The following ASTN1 variants were observed in gnomAD, a reference collection of about 807,000 sequenced individuals.
The protein encoded by ASTN1 is astrotactin-1.
In ASTN1, 41 loss-of-function variants were observed where a neutral mutation model predicts 140.7. The observed-to-expected ratio is 0.29, with a 90% confidence interval of 0.23 to 0.38. The LOEUF (loss-of-function observed/expected upper bound fraction) is 0.38. Ranked by LOEUF, ASTN1 falls within the 10% of genes least tolerant of loss-of-function variation. The probability of loss-of-function intolerance (pLI) is 1.00; values close to 1 mark genes in which losing one functional copy is unlikely to be tolerated. For synonymous variants in ASTN1, 640 were observed against 652.2 expected (o/e 0.98, Z 0.29); for missense variants, 1,479 against 1,678.8 (o/e 0.88, Z 2.08).
intron 1 of ASTN1, among the ~76,000 whole-genome samples, chr1:177,115,587 G>T (rs1268921019): frequency 1.3e-5 from 2 of 151,766 alleles, no homozygotes; most frequent in African/African-American, 4.8e-5. Flanking sequence ...AACCCAGGAG[G>T]TGGAGGTTGC....
intron 9 of ASTN1, among the ~76,000 whole-genome samples, chr1:176,959,360 T>G (rs1052940313): frequency 6.6e-6 from 1 of 152,034 alleles, no homozygotes; most frequent in African/African-American, 2.4e-5. Flanking sequence ...GGAAGGATGC[T>G]TACAATTAAA....
intron 1 of ASTN1, among the ~76,000 whole-genome samples, chr1:177,114,026 C>T (rs1156869909): frequency 6.6e-6 from 1 of 152,184 alleles, no homozygotes; most frequent in Non-Finnish European, 1.5e-5. Context: ...AGTCAAGACA[C>T]TGCTACCTGT....
intron 8 of ASTN1, among the ~76,000 whole-genome samples, chr1:176,993,818 T>C (rs1674303313): frequency 6.6e-6 from 1 of 152,208 alleles, no homozygotes; most frequent in South Asian, 2.1e-4. Flanking sequence ...ATTCATTCAC[T>C]CATTCATTCA....
At chr1:176,989,973 G>A (rs1674083506) in intron 8 of ASTN1, among the ~76,000 whole-genome samples, 1 of 151,838 alleles carries the variant, frequency 6.6e-6, no homozygotes, top group South Asian at 2.1e-4. Context: ...GCTCCAAAAG[G>A]GAGTTCTGAC....
intron 1 of ASTN1, among the ~76,000 whole-genome samples, chr1:177,159,996 G>C (rs967789023): frequency 6.6e-6 from 1 of 152,162 alleles, no homozygotes; most frequent in African/African-American, 2.4e-5. Flanking sequence ...CACTCAATGG[G>C]CAAGGATATT....
intron 6 of ASTN1, among the ~76,000 whole-genome samples, chr1:177,023,846 C>T (rs1268840782): frequency 1.3e-5 from 2 of 152,164 alleles, no homozygotes; most frequent in Non-Finnish European, 2.9e-5. Context: ...TCCTAAGGAA[C>T]ACAGGGACAG....
chr1:177,153,204 G>C (rs1448193668), intron 1 of ASTN1, among the ~76,000 whole-genome samples: 1 of 152,090 alleles, frequency 6.6e-6, no homozygotes, highest in Non-Finnish European at 1.5e-5. Context: ...CCCTCTAAGA[G>C]CTGGTTGTTA....
intron 8 of ASTN1, among the ~76,000 whole-genome samples, chr1:177,002,759 T>C (rs191897592): frequency 3.3e-5 from 5 of 152,296 alleles, no homozygotes; most frequent in African/African-American, 9.6e-5. Context: ...CTTAATATTA[T>C]TTTTATTAGC....
chr1:177,023,238 T>G, intron 7 of ASTN1, 166 bp downstream of exon 7: 1 of 843,236 alleles, frequency 1.2e-6, no homozygotes, highest in Non-Finnish European at 1.8e-6. Flanking sequence ...ACCACAGTTT[T>G]AGCCAATAAG....
Position 177,164,608 on chromosome 1 carries a change from G to A in ASTN1, c.69C>T (p.Ala23=), listed in dbSNP as rs1416199376. ...CCTTGGATGGATCCACGTCGCCGGC[G>A]GCCGTGGCCAGCACCGCCGCCGGCC... ...CWGPAAVLAT[A]AGDVDPSKEL... The change falls in exon 1 of 23, where the codon GCC becomes GCT. Residue 23 remains alanine (A), a synonymous_variant. Coordinates refer to ENST00000361833, the MANE Select transcript of ASTN1 (RefSeq NM_004319.3). 42 of 1,611,454 alleles carry A rather than the reference G, an allele frequency of 2.6e-5. No individual in the cohort carries two copies. Among genetic ancestry groups the A allele is most frequent in the Non-Finnish European group, 3.6e-5 (42 of 1,179,040 alleles).
At chr1:177,091,304 T>C (rs971942621) in intron 1 of ASTN1, among the ~76,000 whole-genome samples, 3 of 152,202 alleles carry the variant, frequency 2.0e-5, no homozygotes, top group Non-Finnish European at 4.4e-5. Flanking sequence ...TTGACTCACA[T>C]CAGGCTTCCT....
chr1:176,997,566 G>A (rs1674513318), intron 8 of ASTN1, among the ~76,000 whole-genome samples: 1 of 151,934 alleles, frequency 6.6e-6, no homozygotes, highest in African/African-American at 2.4e-5. Flanking sequence ...TCACAGAGGA[G>A]GTGATGTGAT....
intron 22 of ASTN1, among the ~76,000 whole-genome samples, chr1:176,866,514 G>T (rs191340861): frequency 6.6e-6 from 1 of 152,296 alleles, no homozygotes; most frequent in African/African-American, 2.4e-5. Flanking sequence ...GGGAGGTGAA[G>T]AAAGAGGGAG....
At chr1:176,934,467 G>A (rs1671346642) in intron 15 of ASTN1, 127 bp from the exon 16 acceptor site, 2 of 882,840 alleles carry the variant, frequency 2.3e-6, no homozygotes, top group East Asian at 2.7e-5. Context: ...GAGCTAGCTA[G>A]AAGTGTCTGG....
At chr1:177,116,976 A>T (rs1388746920) in intron 1 of ASTN1, among the ~76,000 whole-genome samples, 2 of 151,756 alleles carry the variant, frequency 1.3e-5, no homozygotes, top group Admixed American at 1.3e-4. Flanking sequence ...AATGACTCCC[A>T]CCTTCATAAC....
At chr1:177,128,484 C>A (rs1453978215) in intron 1 of ASTN1, among the ~76,000 whole-genome samples, 1 of 152,180 alleles carries the variant, frequency 6.6e-6, no homozygotes, top group Non-Finnish European at 1.5e-5. Context: ...AACAAGCTCA[C>A]AATTTTAAAA....
At chr1:177,005,970 G>C in intron 8 of ASTN1, among the ~76,000 whole-genome samples, 1 of 152,172 alleles carries the variant, frequency 6.6e-6, no homozygotes, top group East Asian at 1.9e-4. Flanking sequence ...TGACATTTAA[G>C]TTGTAATGCA....
Position 177,054,819 on chromosome 1 carries a change from ATAGAC to A in ASTN1, c.471+6254_471+6258del, listed in dbSNP as rs573714467. Reference sequence around the variant, plus strand: ...TTTGCAATTGAGAAAGATTTATAGAATAGACTAGACAAAGAAGCTAATTCATAGCA... The same window carrying A: ...TTTGCAATTGAGAAAGATTTATAGAATAGACAAAGAAGCTAATTCATAGCA... On this transcript the variant is annotated intron_variant, in intron 2 of 22. Coordinates refer to ENST00000361833, the MANE Select transcript of ASTN1 (RefSeq NM_004319.3). 2.1e-3 allele frequency among the ~76,000 whole-genome samples: 325 copies of A among 152,328 alleles called. No homozygotes were observed. In the Middle Eastern group the frequency reaches 0.024, roughly 11 times the overall value.
At chr1:177,114,166 G>A (rs1200693587) in intron 1 of ASTN1, among the ~76,000 whole-genome samples, 1 of 152,152 alleles carries the variant, frequency 6.6e-6, no homozygotes, top group East Asian at 1.9e-4. Flanking sequence ...ATTACTAACT[G>A]GGTGGGCACC....
Sources: allele counts gnomAD v4.1 joint callset (sites outside exome capture counted in the v4.1 genomes callset), GRCh38; gene constraint gnomAD v4.1.1; transcripts MANE v1.5; gene names NCBI Gene and HGNC (gene_info 2026-07-23, HGNC 2026-07-21).